CNST: variants seen among roughly 807,000 people sequenced by gnomAD.
CNST encodes consortin.
CNST carries 39 observed loss-of-function variants against 72.4 expected under a neutral mutation model. That is an observed-to-expected ratio of 0.54 (90% confidence interval 0.42 to 0.70). CNST has a LOEUF of 0.70. Ranked by LOEUF, CNST falls within the 30% of genes least tolerant of loss-of-function variation. The probability of loss-of-function intolerance (pLI) is 0.00; values close to 1 mark genes in which losing one functional copy is unlikely to be tolerated. For missense variants in CNST, 871 were observed against 868.5 expected, an observed-to-expected ratio of 1.00 and a Z score of -0.04; for synonymous variants, 332 against 320.1, an observed-to-expected ratio of 1.04 and a Z score of -0.40.
At chr1:246,570,820 A>T (rs1323439338) in intron 1 of CNST, among the ~76,000 whole-genome samples, 2 of 152,244 alleles carry the variant, frequency 1.3e-5, no homozygotes, top group Non-Finnish European at 1.5e-5. Context: ...TTTTAGGAAG[A>T]GTAATTGATA....
At chr1:246,625,406 A>ATTTC (rs1664346450) in intron 3 of CNST, among the ~76,000 whole-genome samples, 4 of 108,640 alleles carry the variant, frequency 3.7e-5, no homozygotes, top group African/African-American at 1.0e-4. Context: ...TTGTCTAATT[A>ATTTC]TTTCTTTCTT....
chr1:246,640,688 G>A (rs1665627633), intron 6 of CNST, among the ~76,000 whole-genome samples: 1 of 152,144 alleles, frequency 6.6e-6, no homozygotes, highest in Admixed American at 6.6e-5. Flanking sequence ...TTAATAGTGA[G>A]ACAGTGCCAG....
intron 1 of CNST, among the ~76,000 whole-genome samples, chr1:246,583,839 T>C (rs1660956351): frequency 6.6e-6 from 1 of 152,248 alleles, no homozygotes; most frequent in South Asian, 2.1e-4. Flanking sequence ...GAGCATCGTG[T>C]TCCCATTCAA....
chr1:246,628,696 G>A (rs936925992), intron 3 of CNST, among the ~76,000 whole-genome samples: 2 of 152,186 alleles, frequency 1.3e-5, no homozygotes, highest in Non-Finnish European at 2.9e-5. Flanking sequence ...TGAGGGCAGA[G>A]CCCCCGTGAC....
rs528367318 is a variant in CNST, at chr1:246,602,190, TATA to T, written c.379+10254_379+10256del. On this transcript the variant is annotated intron_variant, in intron 2 of 10. Coordinates refer to ENST00000366513, the MANE Select transcript of CNST (RefSeq NM_152609.3). Reference sequence around the variant, plus strand: ...ACGTCAGAGGAAGGGATCAACAAAATATAATAAAAAAGCAGAAAATTGAAGAAT... The same window carrying T: ...ACGTCAGAGGAAGGGATCAACAAAATATAAAAAAGCAGAAAATTGAAGAAT... Among the ~76,000 whole-genome samples, 37 of 152,202 alleles carry T rather than the reference TATA, an allele frequency of 2.4e-4. No individual in the cohort carries two copies. In the South Asian group the frequency reaches 7.1e-3, roughly 29 times the overall value.
Position 246,647,892 on chromosome 1 carries a change from C to T in CNST, c.1691C>T (p.Ser564Phe). 6.2e-7 allele frequency: 1 copy of T among 1,614,030 alleles called. No homozygotes were observed. Among genetic ancestry groups the T allele is most frequent in the East Asian group, 2.2e-5 (1 of 44,890 alleles). Residue 564 changes from serine (S) to phenylalanine (F), a missense_variant, in exon 9 of 11, where the codon TCC (serine) becomes TTC (phenylalanine). Coordinates refer to ENST00000366513, the MANE Select transcript of CNST (RefSeq NM_152609.3). ...TTAAAAGATACTGAAGATTCCCTTTCCTATGAAGATAACCAAGACGACGAC... is the reference window on the plus strand; with the variant it reads ...TTAAAAGATACTGAAGATTCCCTTTTCTATGAAGATAACCAAGACGACGAC... ...GCLKDTEDSL[S>F]YEDNQDDDSD...
chr1:246,601,024 G>A (rs1167305525), intron 2 of CNST, among the ~76,000 whole-genome samples: 3 of 152,254 alleles, frequency 2.0e-5, no homozygotes, highest in South Asian at 2.1e-4. Flanking sequence ...ACAATGAGAC[G>A]CCAGGCATGG....
intron 9 of CNST, among the ~76,000 whole-genome samples, chr1:246,656,067 A>G (rs1666752903): frequency 6.6e-6 from 1 of 152,252 alleles, no homozygotes; most frequent in Non-Finnish European, 1.5e-5. Context: ...TACTATAATA[A>G]TATGATTTAT....
intron 6 of CNST, among the ~76,000 whole-genome samples, chr1:246,638,433 G>A (rs1206579613): frequency 6.6e-6 from 1 of 152,210 alleles, no homozygotes; most frequent in Non-Finnish European, 1.5e-5. Flanking sequence ...CAGCCTGAAG[G>A]AGCTTGCTGA....
intron 9 of CNST, among the ~76,000 whole-genome samples, chr1:246,655,332 A>G (rs3124089): frequency 0.48 from 73,483 of 151,894 alleles, 19,391 homozygotes; most frequent in East Asian, 0.7. Context: ...GCAGTGTTCT[A>G]AGATGCAGTG....
intron 8 of CNST, among the ~76,000 whole-genome samples, chr1:246,644,378 A>G (rs954576563): frequency 1.8e-5 from 2 of 111,294 alleles, no homozygotes; most frequent in Admixed American, 1.3e-4. Flanking sequence ...ACAGAGCGAG[A>G]CTCTGTCTCC....
At chr1:246,614,773 T>C (rs1663573324) in intron 2 of CNST, among the ~76,000 whole-genome samples, 1 of 152,062 alleles carries the variant, frequency 6.6e-6, no homozygotes, top group Non-Finnish European at 1.5e-5. Context: ...CCCGGCTGAC[T>C]GCAATAATTT....
intron 2 of CNST, among the ~76,000 whole-genome samples, chr1:246,608,658 C>T (rs552134944): frequency 5.3e-4 from 80 of 152,262 alleles, no homozygotes; most frequent in African/African-American, 1.8e-3. Context: ...CCGTGGGTTA[C>T]CTGCTTTTAC....
At chr1:246,639,245 T>G (rs1390775683) in intron 6 of CNST, among the ~76,000 whole-genome samples, 1 of 151,974 alleles carries the variant, frequency 6.6e-6, no homozygotes, top group Non-Finnish European at 1.5e-5. Context: ...GGGGCTGAGA[T>G]GAGAGCCTTC....
intron 2 of CNST, among the ~76,000 whole-genome samples, chr1:246,614,550 C>T (rs1663557857): frequency 6.7e-6 from 1 of 148,810 alleles, no homozygotes; most frequent in Admixed American, 6.7e-5. Flanking sequence ...TCGCTCTCTA[C>T]AACCTCCACT....
intron 1 of CNST, among the ~76,000 whole-genome samples, chr1:246,570,550 C>G (rs942869555): frequency 3.3e-5 from 5 of 152,272 alleles, no homozygotes; most frequent in Admixed American, 3.3e-4. Flanking sequence ...CTCCCTCTGT[C>G]AAATATAGTC....
intron 1 of CNST, among the ~76,000 whole-genome samples, chr1:246,578,451 T>C (rs536929013): frequency 1.5e-4 from 23 of 152,060 alleles, no homozygotes; most frequent in African/African-American, 5.3e-4. Context: ...GGTGGGCGGA[T>C]CATGAGGTAG....
chr1:246,614,896 T>A (rs879771579), intron 2 of CNST, among the ~76,000 whole-genome samples: 2 of 152,220 alleles, frequency 1.3e-5, no homozygotes, highest in African/African-American at 2.4e-5. Flanking sequence ...TCCTTAGTGA[T>A]ATTCACAGAG....
At chr1:246,634,317 A>G (rs1664987620) in intron 5 of CNST, 156 bp from the exon 6 acceptor site, 1 of 570,118 alleles carries the variant, frequency 1.8e-6, no homozygotes, top group Non-Finnish European at 3.1e-6. Flanking sequence ...CTTATATTGA[A>G]AAGTAATAAG....
Sources: gnomAD v4.1 joint callset for allele counts (sites outside exome capture counted in the v4.1 genomes callset) on GRCh38, gnomAD v4.1.1 for gene constraint, MANE v1.5 for transcripts, NCBI Gene and HGNC (gene_info 2026-07-23, HGNC 2026-07-21) for gene names.